Variants in CCZ1 observed in about 807,000 individuals in gnomAD.
The protein encoded by CCZ1 is CCZ1 vacuolar protein trafficking and biogenesis associated.
Under a neutral mutation model 57.8 loss-of-function variants are expected in CCZ1, and 19 were observed. That is an observed-to-expected ratio of 0.33 (90% CI 0.23 to 0.48). CCZ1 has a LOEUF of 0.48. CCZ1 is among the 20% of genes least tolerant of loss of function. CCZ1 has a pLI of 0.99. For missense variants in CCZ1, 200 were observed against 492.0 expected (o/e 0.41, Z 5.61); for synonymous variants, 81 against 167.0 (o/e 0.49, Z 3.97).
chr7:5,904,598 C>T lies in CCZ1; in HGVS notation c.523-496C>T, dbSNP rs2528320. ...CTCTAATCCCAGCACTTTGGGAGGCCGAGGCAGGCAGATCACGAGTCAGGA... is the reference window on the plus strand; with the variant it reads ...CTCTAATCCCAGCACTTTGGGAGGCTGAGGCAGGCAGATCACGAGTCAGGA... On this transcript the variant is annotated intron_variant, in intron 6 of 14. Transcript: ENST00000325974. 8.1e-4 allele frequency among the ~76,000 whole-genome samples: 118 copies of T among 145,994 alleles called. 6 individuals carry two copies. The highest frequency in any genetic ancestry group is 3.0e-3 in the South Asian group (13 of 4,320).
chr7:5,907,076 G>A (rs1243413655), intron 7 of CCZ1, among the ~76,000 whole-genome samples: 1 of 149,176 alleles, frequency 6.7e-6, no homozygotes, highest in African/African-American at 2.5e-5. Context: ...GGCCAGGCTG[G>A]TCTCGAACTC....
chr7:5,899,383 GGT>G (rs1315856231), intron 1 of CCZ1, among the ~76,000 whole-genome samples: 138 of 94,698 alleles, frequency 1.5e-3, no homozygotes, highest in African/African-American at 4.3e-3. Flanking sequence ...GTGTGTGTGT[GGT>G]TTTTCTGAGG....
Position 5,922,530 on chromosome 7 carries a change from CAGGGA to C in CCZ1, c.1107-856_1107-852del, listed in dbSNP as rs1161464845. Among the ~76,000 whole-genome samples the C allele has an allele frequency of 6.1e-3, 768 of 126,804 alleles. 1 individual carries two copies. Among genetic ancestry groups the C allele is most frequent in the African/African-American group, 0.024 (726 of 29,692 alleles). The allele number at this position is 126,804 out of a possible 152,430, so 83.2% of individuals were successfully genotyped here. ...GGCCCCAGGGTGGACACTGAGGGTG[CAGGGA>C]GGGGAGGGGAGGGGCCCCAGGAGCA... is the stretch of plus-strand genomic sequence containing the variant. On this transcript the variant is annotated intron_variant, in intron 12 of 14. Transcript: ENST00000325974.
In CCZ1 at chr7:5,910,751, T is replaced by C. The variant is rs553614715; in HGVS notation, c.780+635T>C. On this transcript the variant is annotated intron_variant, in intron 8 of 14. Coordinates refer to ENST00000325974, the MANE Select transcript of CCZ1 (RefSeq NM_015622.6). ...ATTTATTTATTTATTTATTTATTTA[T>C]TGGGACAGAGTTTTGTTCTTTTCGC... is the stretch of plus-strand genomic sequence containing the variant. 4.1e-4 allele frequency among the ~76,000 whole-genome samples: 60 copies of C among 146,672 alleles called. 12 individuals carry two copies. The East Asian group carries it at 0.013, about 31-fold the overall frequency.
In CCZ1 at chr7:5,912,842, G is replaced by A. The variant is rs1204363348; in HGVS notation, c.843-1G>A. ...AAGTCATGTCTGTTCTTGCTTTTAAGATTTCTTACCGGACCCTTGAACCTC... is the reference window on the plus strand; with the variant it reads ...AAGTCATGTCTGTTCTTGCTTTTAAAATTTCTTACCGGACCCTTGAACCTC... On this transcript the variant is annotated splice_acceptor_variant, in intron 9 of 14. Transcript: ENST00000325974. LOFTEE classifies it high-confidence loss of function. The A allele has an allele frequency of 2.1e-6, 3 of 1,434,252 alleles. No homozygotes were observed. The highest frequency in any genetic ancestry group is 2.9e-6 in the Non-Finnish European group (3 of 1,020,670). 88.8% of individuals were successfully genotyped at this position (1,434,252 alleles called of 1,614,324 possible).
intron 4 of CCZ1, 113 bp from the exon 5 acceptor site, chr7:5,901,544 A>C: frequency 6.9e-7 from 1 of 1,442,742 alleles, no homozygotes; most frequent in Non-Finnish European, 9.1e-7. Flanking sequence ...TTGTGGGACA[A>C]AGTTTATAAA....
chr7:5,910,947 G>A (rs936984851), intron 8 of CCZ1, among the ~76,000 whole-genome samples: 3 of 147,304 alleles, frequency 2.0e-5, no homozygotes, highest in African/African-American at 7.6e-5. Context: ...TGTTGGCCAG[G>A]CTGGTCTCGA....
At position 5,920,470 on chromosome 7, in the gene CCZ1, CT is replaced by C. The variant is rs200899553; in HGVS notation, c.1106+521del. The stretch of plus-strand genomic sequence containing the variant: ...ATGTCCTTGAATTCTTTCTCCCTGG[CT>C]TTTTTTTTTTTTTTTTGAGACAAAT... On this transcript the variant is annotated intron_variant, in intron 12 of 14. Transcript: ENST00000325974. 2.7e-4 allele frequency among the ~76,000 whole-genome samples: 26 copies of C among 95,976 alleles called. 1 individual carries two copies. Among genetic ancestry groups the C allele is most frequent in the East Asian group, 1.3e-3 (5 of 3,746 alleles). 63.0% of individuals were successfully genotyped at this position (95,976 alleles called of 152,430 possible). A position where few individuals can be genotyped will look rare whatever the true frequency, so the allele number is the denominator to read the frequency against.
chr7:5,912,048 G>A (rs924378516), intron 9 of CCZ1, 126 bp downstream of exon 9: 20 of 1,575,724 alleles, frequency 1.3e-5, no homozygotes, highest in East Asian at 4.6e-5. Context: ...CCGCCTCCCC[G>A]GGCTCAAGTG....
intron 7 of CCZ1, among the ~76,000 whole-genome samples, chr7:5,906,570 G>A (rs1363230346): frequency 6.7e-6 from 1 of 148,476 alleles, no homozygotes; most frequent in Admixed American, 6.7e-5. Context: ...TGATTCCCCT[G>A]CATAGGCCTC....
intron 8 of CCZ1, chr7:5,910,362 G>C: frequency 5.4e-6 from 2 of 371,252 alleles, no homozygotes; most frequent in South Asian, 1.4e-4. Context: ...TTTTTTGTGT[G>C]TGTTTTTGTT....
intron 10 of CCZ1, among the ~76,000 whole-genome samples, chr7:5,913,442 G>GC (rs1185353991): frequency 6.6e-6 from 1 of 151,350 alleles, no homozygotes; most frequent in African/African-American, 2.4e-5. Context: ...AGAAGACGGA[G>GC]CATGTGCACG....
chr7:5,919,449 CCCA>C (rs1301514447), intron 11 of CCZ1: 95 of 209,400 alleles, frequency 4.5e-4, no homozygotes, highest in South Asian at 3.8e-3. Flanking sequence ...CTTTCTGTGT[CCCA>C]CCGACTGCGA....
At chr7:5,904,031 A>T (rs1379556934) in intron 6 of CCZ1, among the ~76,000 whole-genome samples, 2 of 142,160 alleles carry the variant, frequency 1.4e-5, no homozygotes, top group African/African-American at 5.4e-5. Context: ...TGTAGTATTA[A>T]TGGATAGATC....
chr7:5,906,863 C>T (rs935234863), intron 7 of CCZ1, among the ~76,000 whole-genome samples: 6 of 150,268 alleles, frequency 4.0e-5, no homozygotes, highest in Non-Finnish European at 7.4e-5. Flanking sequence ...GGGTGAAACC[C>T]ATCTACTTTT....
intron 3 of CCZ1, 89 bp from the exon 4 acceptor site, chr7:5,900,766 C>G (rs1249015412): frequency 6.3e-7 from 1 of 1,580,854 alleles, no homozygotes; most frequent in Non-Finnish European, 8.6e-7. Flanking sequence ...GTTTCTGATG[C>G]TGTAGCATGT....
At chr7:5,908,616 G>A (rs1781892021) in intron 7 of CCZ1, among the ~76,000 whole-genome samples, 3 of 147,926 alleles carry the variant, frequency 2.0e-5, no homozygotes, top group Admixed American at 1.3e-4. Context: ...CTGACCTTAG[G>A]TGATCTGCTC....
rs1309068536 is a variant in CCZ1, at chr7:5,899,025, C to T, written c.120+106C>T. 31 of 210,068 alleles carry T rather than the reference C, an allele frequency of 1.5e-4. No individual in the cohort carries two copies. In the East Asian group the frequency reaches 3.7e-3, roughly 25 times the overall value. The allele number at this position is 210,068 out of a possible 1,614,324, so 13.0% of individuals were successfully genotyped here. Reference sequence around the variant, plus strand: ...GGGCACTGACCTAGCCTGCATTGTGCCAGGTGCGAGTCCGGGCAGGGGGCT... The same window carrying T: ...GGGCACTGACCTAGCCTGCATTGTGTCAGGTGCGAGTCCGGGCAGGGGGCT... On this transcript the variant is annotated intron_variant, in intron 1 of 14. Coordinates refer to ENST00000325974, the MANE Select transcript of CCZ1 (RefSeq NM_015622.6).
chr7:5,914,293 A>G (rs1779106993), intron 10 of CCZ1, among the ~76,000 whole-genome samples: 1 of 147,900 alleles, frequency 6.8e-6, no homozygotes, highest in African/African-American at 2.5e-5. Flanking sequence ...AAAATTAGCC[A>G]GGCATGGCAG....
Sources: allele counts gnomAD v4.1 joint callset (sites outside exome capture counted in the v4.1 genomes callset), GRCh38; gene constraint gnomAD v4.1.1; transcripts MANE v1.5; gene names NCBI Gene and HGNC (gene_info 2026-07-23, HGNC 2026-07-21).